The following SEC14L6 variants were observed in gnomAD, a reference collection of about 807,000 sequenced individuals.
SEC14L6 encodes SEC14-like protein 6.
A neutral mutation model predicts 54.1 loss-of-function variants in SEC14L6; 40 were observed. The ratio of observed to expected loss-of-function variants is 0.74; its 90% CI spans 0.57 to 0.96. SEC14L6 has a LOEUF of 0.96. Ranked by LOEUF, SEC14L6 falls within the 40% of genes least tolerant of loss-of-function variation. SEC14L6 has a pLI of 0.00. For synonymous variants in SEC14L6, 171 were observed against 198.4 expected (o/e 0.86, Z 1.16); for missense variants, 471 against 498.3 (o/e 0.95, Z 0.52).
At chr22:30,538,728 A>G in intron 2 of SEC14L6, 99 bp downstream of exon 2, 1 of 794,500 alleles carries the variant, frequency 1.3e-6, no homozygotes, top group Non-Finnish European at 2.0e-6. Flanking sequence ...GTTGTTTTAA[A>G]TGGCTATGTT....
intron 1 of SEC14L6, among the ~76,000 whole-genome samples, chr22:30,540,373 T>C (rs2085680316): frequency 6.9e-6 from 1 of 144,874 alleles, no homozygotes; most frequent in Non-Finnish European, 1.5e-5. Context: ...GTTCCTTTTT[T>C]TTTTTTTTTT....
At chr22:30,543,913 A>G in intron 1 of SEC14L6, 1 of 1,604,212 alleles carries the variant, frequency 6.2e-7, no homozygotes, top group South Asian at 1.1e-5. Flanking sequence ...GGAGCCCAAC[A>G]ACCACACAGA....
intron 1 of SEC14L6, among the ~76,000 whole-genome samples, chr22:30,541,193 T>TA (rs1568974931): frequency 2.3e-4 from 17 of 74,880 alleles, no homozygotes; most frequent in South Asian, 3.9e-4. Flanking sequence ...ACACAACTTT[T>TA]AAAAAAATTT....
At chr22:30,537,767 C>A (rs945383347) in intron 2 of SEC14L6, among the ~76,000 whole-genome samples, 1 of 152,234 alleles carries the variant, frequency 6.6e-6, no homozygotes, top group Non-Finnish European at 1.5e-5. Flanking sequence ...GTATCCCTGT[C>A]CTTGCCTTAC....
At chr22:30,526,508 A>G (rs1936785434) in intron 8 of SEC14L6, among the ~76,000 whole-genome samples, 1 of 152,224 alleles carries the variant, frequency 6.6e-6, no homozygotes, top group Non-Finnish European at 1.5e-5. Flanking sequence ...CGGAGAGAGA[A>G]GGACTGTATA....
chr22:30,528,801 C>T (rs77110686), intron 8 of SEC14L6, among the ~76,000 whole-genome samples: 1,958 of 152,232 alleles, frequency 0.013, 32 homozygotes, highest in African/African-American at 0.044. Flanking sequence ...TGACTCACTC[C>T]GCTTGCAGCT....
At chr22:30,533,166 C>A in intron 3 of SEC14L6, 1 of 983,196 alleles carries the variant, frequency 1.0e-6, no homozygotes, top group Non-Finnish European at 1.2e-6. Flanking sequence ...TCAGACTCTA[C>A]TTCCTGACTT....
chr22:30,532,921 G>A (rs947312898), intron 3 of SEC14L6, 65 bp from the exon 4 acceptor site: 4 of 1,582,200 alleles, frequency 2.5e-6, no homozygotes, highest in Non-Finnish European at 2.6e-6. Flanking sequence ...TGGATACCTG[G>A]GGACACCAGG....
At chr22:30,542,699 T>G in intron 1 of SEC14L6, 3 of 1,551,752 alleles carry the variant, frequency 1.9e-6, no homozygotes, top group Non-Finnish European at 2.6e-6. Flanking sequence ...GAGAAGTCTG[T>G]ATCAGTTGCA....
At position 30,529,213 on chromosome 22, in the gene SEC14L6, G is replaced by A. The variant is rs774396397; in HGVS notation, c.581-43C>T. On this transcript the variant is annotated intron_variant, in intron 7 of 11. Transcript: ENST00000402034. ...ACTGCTCCCTCAGGCGGCTGGCTGG[G>A]GTCTCAGGTGCCCACCCGGTCACCG... The A allele has an allele frequency of 2.1e-5, 33 of 1,547,934 alleles. No homozygotes were observed. The East Asian group carries it at 7.3e-4, about 34-fold the overall frequency.
chr22:30,527,615 T>C (rs1226913115), intron 8 of SEC14L6, among the ~76,000 whole-genome samples: 1 of 146,184 alleles, frequency 6.8e-6, no homozygotes, highest in Non-Finnish European at 1.5e-5. Context: ...CTTGGGAGGC[T>C]GAAGTGAGAG....
At position 30,524,258 on chromosome 22, in the gene SEC14L6, T is replaced by TC. The variant is rs1936693743; in HGVS notation, c.*738dup. On this transcript the variant is annotated 3_prime_UTR_variant, in exon 12 of 12. Transcript: ENST00000402034. ...ATGCCTCCCTGGGGACCCCTCCTCT[T>TC]CCCCCTATGGCACAGCGGCCCCTCC... is the stretch of plus-strand genomic sequence containing the variant. 6.6e-6 allele frequency: 1 copy of TC among 152,236 alleles called. No individual in the cohort carries two copies. Among genetic ancestry groups the TC allele is most frequent in the Admixed American group, 6.5e-5 (1 of 15,274 alleles). 9.4% of individuals were successfully genotyped at this position (152,236 alleles called of 1,614,324 possible).
chr22:30,540,931 A>G (rs2085695981), intron 1 of SEC14L6, among the ~76,000 whole-genome samples: 1 of 151,164 alleles, frequency 6.6e-6, no homozygotes, highest in African/African-American at 2.4e-5. Context: ...AGGCACAAGA[A>G]TTGCTTGAAC....
At chr22:30,542,248 A>G (rs974432204) in intron 1 of SEC14L6, among the ~76,000 whole-genome samples, 3 of 152,036 alleles carry the variant, frequency 2.0e-5, no homozygotes, top group Non-Finnish European at 4.4e-5. Flanking sequence ...AGGGGCCTTC[A>G]GCTTTGGGGC....
Position 30,531,987 on chromosome 22 carries a change from C to T in SEC14L6, c.435G>A (p.Arg145=), listed in dbSNP as rs1469858907. The change falls in exon 6 of 12, where the codon AGG becomes AGA. Residue 145 remains arginine, a synonymous_variant. Transcript: ENST00000402034. ...CAAAAATAGCTATGATTTTCTCCAC[C>T]CTCTTCCCCAGCTGCAAGGGAATGA... ...CELQSQKLGK[R]VEKIIAIFGL... is the part of the protein sequence containing the mutation. 1.3e-6 allele frequency: 2 copies of T among 1,550,728 alleles called. No homozygotes were observed. The highest frequency in any genetic ancestry group is 1.7e-6 in the Non-Finnish European group (2 of 1,146,924).
intron 2 of SEC14L6, among the ~76,000 whole-genome samples, chr22:30,535,769 G>A (rs1937120918): frequency 1.3e-5 from 2 of 152,068 alleles, no homozygotes; most frequent in Admixed American, 6.6e-5. Context: ...GGAGTGCAGT[G>A]GCACAACCAT....
intron 1 of SEC14L6, chr22:30,542,793 A>C: frequency 6.3e-7 from 1 of 1,594,394 alleles, no homozygotes; most frequent in East Asian, 2.2e-5. Flanking sequence ...GAGCTGGACC[A>C]GGCCGGAAAT....
Position 30,525,613 on chromosome 22 carries a change from G to A in SEC14L6, c.909C>T (p.Leu303=), listed in dbSNP as rs545257375. ...TGTAGAGTGGCTGCCATCCCTACCT[G>A]AGCACACAGCCCGGGAACAGGATCT... ...ENEILFPGCV[L]RWQFASDGGD... is the part of the protein sequence containing the mutation. Residue 303 remains leucine, a splice_region_variant and synonymous_variant, in exon 10 of 12, where the codon CTC becomes CTT. Transcript: ENST00000402034. 4 of 1,609,192 alleles carry A rather than the reference G, an allele frequency of 2.5e-6. No homozygotes were observed. In the African/African-American group the frequency reaches 5.3e-5, roughly 22 times the overall value.
intron 8 of SEC14L6, 135 bp downstream of exon 8, chr22:30,528,951 AG>A (rs1936871740): frequency 1.4e-6 from 1 of 718,608 alleles, no homozygotes; most frequent in Non-Finnish European, 2.3e-6. Flanking sequence ...CCCACCTGGC[AG>A]CCCACCAGGC....
Sources: gnomAD v4.1 joint callset for allele counts (sites outside exome capture counted in the v4.1 genomes callset) on GRCh38, gnomAD v4.1.1 for gene constraint, MANE v1.5 for transcripts, NCBI Gene and HGNC (gene_info 2026-07-23, HGNC 2026-07-21) for gene names.